MACROD2: variants seen among roughly 807,000 people sequenced by gnomAD.
MACROD2 encodes mono-ADP ribosylhydrolase 2.
MACROD2 carries 36 observed loss-of-function variants against 70.4 expected under a neutral mutation model. That is an observed-to-expected ratio of 0.51 (90% CI 0.39 to 0.68). The LOEUF is 0.68. MACROD2 is among the 30% of genes least tolerant of loss of function. The pLI, the probability that MACROD2 is intolerant of heterozygous loss-of-function variation, is 0.00. For synonymous variants in MACROD2, 172 were observed against 178.8 expected, an observed-to-expected ratio of 0.96 and a Z score of 0.30; for missense variants, 496 against 538.4, an observed-to-expected ratio of 0.92 and a Z score of 0.78.
At chr20:14,281,542 A>G (rs950574464) in intron 3 of MACROD2, among the ~76,000 whole-genome samples, 1 of 152,190 alleles carries the variant, frequency 6.6e-6, no homozygotes, top group Admixed American at 6.5e-5. Flanking sequence ...GCTGAATTGT[A>G]TATTTTTTAC....
At chr20:14,502,927 A>C (rs574711266) in intron 4 of MACROD2, among the ~76,000 whole-genome samples, 1 of 152,300 alleles carries the variant, frequency 6.6e-6, no homozygotes, top group East Asian at 1.9e-4. Context: ...GCGTCTTTCA[A>C]GTATTTAATT....
chr20:14,031,680 A>G (rs992710231), intron 2 of MACROD2, among the ~76,000 whole-genome samples: 1 of 152,178 alleles, frequency 6.6e-6, no homozygotes, highest in Non-Finnish European at 1.5e-5. Flanking sequence ...ACATCAGATC[A>G]TAGTCATTAT....
intron 8 of MACROD2, among the ~76,000 whole-genome samples, chr20:15,834,315 G>C (rs1373597221): frequency 6.6e-6 from 1 of 152,130 alleles, no homozygotes; most frequent in East Asian, 1.9e-4. Flanking sequence ...ACTCCCGTCT[G>C]GGCGACAGAG....
Position 16,011,674 on chromosome 20 carries a change from T to C in MACROD2, c.1153+24516T>C, listed in dbSNP as rs570173646. ...AAGGCAGCTTGTGAGGTGTGCAGTGTAGGGAAGTTTTAGCAAAGCATCCAG... is the reference window on the plus strand; with the variant it reads ...AAGGCAGCTTGTGAGGTGTGCAGTGCAGGGAAGTTTTAGCAAAGCATCCAG... On this transcript the variant is annotated intron_variant, in intron 15 of 17. Coordinates refer to ENST00000684519, the MANE Select transcript of MACROD2 (RefSeq NM_001351661.2). Among the ~76,000 whole-genome samples the C allele has an allele frequency of 5.0e-4, 76 of 152,312 alleles. 1 individual carries two copies. Among genetic ancestry groups the C allele is most frequent in the African/African-American group, 1.6e-3 (67 of 41,582 alleles).
intron 4 of MACROD2, among the ~76,000 whole-genome samples, chr20:14,640,052 C>T (rs181959670): frequency 6.6e-6 from 1 of 152,178 alleles, no homozygotes; most frequent in African/African-American, 2.4e-5. Flanking sequence ...TACCTGTGGA[C>T]CCCTTTCCAG....
chr20:14,190,716 T>A (rs1249801910), intron 3 of MACROD2, among the ~76,000 whole-genome samples: 3 of 110,528 alleles, frequency 2.7e-5, no homozygotes, highest in African/African-American at 1.1e-4. Context: ...TTTTTTTTTT[T>A]TTTTTTTTTT....
intron 15 of MACROD2, among the ~76,000 whole-genome samples, chr20:16,002,397 G>C (rs1046462800): frequency 4.6e-5 from 7 of 152,152 alleles, no homozygotes; most frequent in African/African-American, 1.7e-4. Context: ...AAGTTGGGGG[G>C]CTTGAAAAGA....
chr20:14,070,130 G>A (rs1032486809), intron 2 of MACROD2, among the ~76,000 whole-genome samples: 4 of 152,096 alleles, frequency 2.6e-5, no homozygotes, highest in Non-Finnish European at 5.9e-5. Context: ...AGTTTTGGAA[G>A]GGATTTTTGC....
intron 5 of MACROD2, among the ~76,000 whole-genome samples, chr20:15,176,002 C>G (rs1051201389): frequency 6.6e-6 from 1 of 152,240 alleles, no homozygotes; most frequent in Non-Finnish European, 1.5e-5. Context: ...GCTTCTGCCC[C>G]CTGGCCTCTC....
intron 7 of MACROD2, among the ~76,000 whole-genome samples, chr20:15,484,042 CTTTTA>C (rs3071258): frequency 0.14 from 19,636 of 136,228 alleles, 1,478 homozygotes; most frequent in African/African-American, 0.2. Context: ...ATCATTATGC[CTTTTA>C]TTTTATTTTA....
intron 3 of MACROD2, among the ~76,000 whole-genome samples, chr20:14,343,585 G>A (rs2083036891): frequency 1.3e-5 from 2 of 152,188 alleles, no homozygotes; most frequent in Non-Finnish European, 2.9e-5. Context: ...AAATTGAACT[G>A]TGTGCTTTAA....
chr20:14,222,693 G>T (rs976532336), intron 3 of MACROD2, among the ~76,000 whole-genome samples: 6 of 151,724 alleles, frequency 4.0e-5, no homozygotes, highest in African/African-American at 1.5e-4. Flanking sequence ...AAAATAAAAG[G>T]TGGATATTAT....
intron 4 of MACROD2, among the ~76,000 whole-genome samples, chr20:14,550,067 C>T (rs544930458): frequency 1.9e-4 from 29 of 151,908 alleles, no homozygotes; most frequent in South Asian, 4.2e-4. Context: ...GGATTACAGG[C>T]GGGTGCCACC....
At chr20:15,314,214 C>G (rs756620042) in intron 6 of MACROD2, among the ~76,000 whole-genome samples, 5 of 152,040 alleles carry the variant, frequency 3.3e-5, no homozygotes. Flanking sequence ...TCAGAATCAA[C>G]TTTGTCAGCA....
chr20:15,061,332 A>G (rs2075530914), intron 5 of MACROD2, among the ~76,000 whole-genome samples: 1 of 152,132 alleles, frequency 6.6e-6, no homozygotes, highest in African/African-American at 2.4e-5. Context: ...CAAAACAGAA[A>G]TGCTGGAGTG....
intron 6 of MACROD2, among the ~76,000 whole-genome samples, chr20:15,246,830 C>T (rs191392644): frequency 1.3e-5 from 2 of 152,260 alleles, no homozygotes; most frequent in Non-Finnish European, 2.9e-5. Flanking sequence ...TCCAAATGTC[C>T]ACCACCTGAT....
chr20:15,074,887 C>A (rs543520402), intron 5 of MACROD2, among the ~76,000 whole-genome samples: 1 of 152,094 alleles, frequency 6.6e-6, no homozygotes, highest in African/African-American at 2.4e-5. Context: ...GCACTGCAAG[C>A]GATACACACA....
intron 5 of MACROD2, among the ~76,000 whole-genome samples, chr20:15,052,129 T>C (rs2075447251): frequency 6.6e-6 from 1 of 152,194 alleles, no homozygotes; most frequent in Non-Finnish European, 1.5e-5. Flanking sequence ...GCTCATTCTG[T>C]GCTTGCTGCA....
At chr20:15,672,534 G>A (rs1390755060) in intron 8 of MACROD2, among the ~76,000 whole-genome samples, 2 of 152,038 alleles carry the variant, frequency 1.3e-5, no homozygotes, top group African/African-American at 4.8e-5. Flanking sequence ...ACATACCCTT[G>A]CTCCCATTCT....
Sources: gnomAD v4.1 joint callset for allele counts (sites outside exome capture counted in the v4.1 genomes callset) on GRCh38, gnomAD v4.1.1 for gene constraint, MANE v1.5 for transcripts, NCBI Gene and HGNC (gene_info 2026-07-23, HGNC 2026-07-21) for gene names.